The following DZIP1 variants were observed in gnomAD, a reference collection of about 807,000 sequenced individuals.
DZIP1 encodes the protein DAZ interacting zinc finger protein 1.
In DZIP1, 97 loss-of-function variants were observed where a neutral mutation model predicts 107.6. That is an observed-to-expected ratio of 0.90 (90% confidence interval 0.77 to 1.07). The LOEUF is 1.07. DZIP1 is among the 50% of genes least tolerant of loss of function. DZIP1 has a pLI of 0.00. For missense variants in DZIP1, 1,035 were observed against 1,063.6 expected, an observed-to-expected ratio of 0.97 and a Z score of 0.37; for synonymous variants, 390 against 386.4, an observed-to-expected ratio of 1.01 and a Z score of -0.11.
chr13:95,628,735 T>C lies in DZIP1; in HGVS notation c.810+1254A>G, dbSNP rs140216375. Among the ~76,000 whole-genome samples, 17 of 152,280 alleles carry C rather than the reference T, an allele frequency of 1.1e-4. No individual in the cohort carries two copies. The East Asian group carries it at 2.7e-3, about 24-fold the overall frequency. On this transcript the variant is annotated intron_variant, in intron 7 of 22. Transcript: ENST00000376829. Reference sequence around the variant, plus strand: ...GGAAATTCTGGCACACACTACAACATAGATAAACTTTGAGGACATTATGCT... The same window carrying C: ...GGAAATTCTGGCACACACTACAACACAGATAAACTTTGAGGACATTATGCT...
At chr13:95,590,573 GC>G in intron 16 of DZIP1, 132 bp from the exon 17 acceptor site, 1 of 837,986 alleles carries the variant, frequency 1.2e-6, no homozygotes, top group Non-Finnish European at 1.8e-6. Flanking sequence ...GGGTAAGGGT[GC>G]CCCAACAAGT....
In DZIP1 at chr13:95,619,895, T is replaced by A; in HGVS notation, c.1163A>T (p.Glu388Val). Residue 388 changes from glutamate to valine, a missense_variant, in exon 10 of 23, where the codon GAG (glutamate) becomes GTG (valine). By Grantham distance (121) the Glu-to-Val change is moderately radical (BLOSUM62 -2). Transcript: ENST00000376829. ...GTTTCTTAACCTTACCCGACCCTTC[T>A]CTTTCTTGTGTTCTTGATGAATAGC... is the stretch of plus-strand genomic sequence containing the variant. ...VQAIHQEHKK[E>V]KGRLLSHIEK... 6.2e-7 allele frequency: 1 copy of A among 1,613,912 alleles called. No homozygotes were observed. Among genetic ancestry groups the A allele is most frequent in the Non-Finnish European group, 8.5e-7 (1 of 1,179,956 alleles).
At chr13:95,597,072 CT>C (rs1258797153) in intron 15 of DZIP1, among the ~76,000 whole-genome samples, 2 of 152,130 alleles carry the variant, frequency 1.3e-5, no homozygotes, top group Non-Finnish European at 2.9e-5. Flanking sequence ...GTCCAGCCCC[CT>C]AAATGTGGCA....
intron 5 of DZIP1, among the ~76,000 whole-genome samples, chr13:95,633,678 C>CAAA (rs567298033): frequency 8.4e-5 from 6 of 71,174 alleles, no homozygotes; most frequent in African/African-American, 2.1e-4. Context: ...GACTCCATCT[C>CAAA]AAAAAAAAAA....
intron 6 of DZIP1, chr13:95,630,853 C>T (rs1877110841): frequency 2.8e-6 from 2 of 719,856 alleles, no homozygotes; most frequent in Middle Eastern, 2.8e-4. Flanking sequence ...GAAACCCTCT[C>T]TGAAACGAGT....
chr13:95,630,050 A>C lies in DZIP1; in HGVS notation c.749T>G (p.Leu250Arg). Reference protein sequence around the residue: ...RSEIVVLKEELQLTRSELEAA... With the variant: ...RSEIVVLKEERQLTRSELEAA... ...CTCTAGCTCAGACCTGGTGAGCTGC[A>C]GCTCTTCCTTCAATACGACGATCTC... The change falls in exon 7 of 23, where the codon CTG (leucine) becomes CGG (arginine). Residue 250 changes from leucine to arginine, a missense_variant. Transcript: ENST00000376829. 6.2e-7 allele frequency: 1 copy of C among 1,613,978 alleles called. No homozygotes were observed. Among genetic ancestry groups the C allele is most frequent in the Non-Finnish European group, 8.5e-7 (1 of 1,179,896 alleles).
intron 5 of DZIP1, 59 bp from the exon 6 acceptor site, chr13:95,633,380 G>A: frequency 6.8e-7 from 1 of 1,470,538 alleles, no homozygotes; most frequent in Non-Finnish European, 9.5e-7. Context: ...CCACTTAATT[G>A]CAATTAAAAT....
At chr13:95,620,601 G>C (rs1875705360) in intron 9 of DZIP1, among the ~76,000 whole-genome samples, 1 of 152,138 alleles carries the variant, frequency 6.6e-6, no homozygotes. Context: ...ACACAATACA[G>C]CTGTGTCATT....
chr13:95,632,805 A>T (rs989556208), intron 6 of DZIP1, among the ~76,000 whole-genome samples: 4 of 151,910 alleles, frequency 2.6e-5, no homozygotes, highest in Non-Finnish European at 4.4e-5. Context: ...TCATCCCAGC[A>T]CACCTCACGT....
intron 17 of DZIP1, 86 bp from the exon 18 acceptor site, chr13:95,590,018 G>T: frequency 6.8e-7 from 1 of 1,472,934 alleles, no homozygotes; most frequent in Non-Finnish European, 9.1e-7. Flanking sequence ...TACCCCCTAT[G>T]CTGCTGTGGC....
At chr13:95,594,238 T>A in intron 15 of DZIP1, 152 bp from the exon 16 acceptor site, 1 of 617,292 alleles carries the variant, frequency 1.6e-6, no homozygotes, top group African/African-American at 1.9e-5. Context: ...CTCAGCACAA[T>A]ACAGAATGCT....
At chr13:95,644,136 G>T (rs1342486857) in intron 1 of DZIP1, among the ~76,000 whole-genome samples, 1 of 152,206 alleles carries the variant, frequency 6.6e-6, no homozygotes, top group Non-Finnish European at 1.5e-5. Context: ...AGTCCCAGGC[G>T]CATGGCACCG....
chr13:95,620,425 A>G (rs1875684141), intron 9 of DZIP1, among the ~76,000 whole-genome samples: 2 of 152,206 alleles, frequency 1.3e-5, no homozygotes, highest in Non-Finnish European at 2.9e-5. Context: ...AGAACAGACT[A>G]ATACAGCTGG....
intron 15 of DZIP1, among the ~76,000 whole-genome samples, chr13:95,595,837 A>C (rs1430344386): frequency 6.6e-6 from 1 of 152,206 alleles, no homozygotes; most frequent in Admixed American, 6.5e-5. Flanking sequence ...ACTTGGGGCC[A>C]CATACAGGGG....
chr13:95,612,844 CAA>C (rs1249374691), intron 10 of DZIP1, among the ~76,000 whole-genome samples: 1 of 152,134 alleles, frequency 6.6e-6, no homozygotes, highest in Non-Finnish European at 1.5e-5. Flanking sequence ...CTTGGCCTCT[CAA>C]AGTGTTGGGA....
chr13:95,624,646 G>C, intron 8 of DZIP1, 122 bp downstream of exon 8: 1 of 879,042 alleles, frequency 1.1e-6, no homozygotes, highest in Non-Finnish European at 1.8e-6. Context: ...AGACTCTCAG[G>C]GAGAAGAATG....
intron 22 of DZIP1, 30 bp downstream of exon 22, chr13:95,584,706 G>A (rs759531720): frequency 3.3e-5 from 52 of 1,580,682 alleles, no homozygotes; most frequent in African/African-American, 5.5e-5. Flanking sequence ...AAAATGGATC[G>A]AGCTTGTATT....
chr13:95,611,978 G>C (rs1159634968), intron 11 of DZIP1, 59 bp downstream of exon 11: 2 of 1,572,020 alleles, frequency 1.3e-6, no homozygotes, highest in Non-Finnish European at 1.7e-6. Flanking sequence ...AAAAACACAT[G>C]TTCTTAGATA....
intron 16 of DZIP1, among the ~76,000 whole-genome samples, chr13:95,592,692 T>C (rs981811059): frequency 6.6e-6 from 1 of 152,116 alleles, no homozygotes; most frequent in African/African-American, 2.4e-5. Context: ...CAAGAATTAA[T>C]AGCCAAGAAG....
Sources: allele counts gnomAD v4.1 joint callset (sites outside exome capture counted in the v4.1 genomes callset), GRCh38; gene constraint gnomAD v4.1.1; transcripts MANE v1.5; gene names NCBI Gene and HGNC (gene_info 2026-07-23, HGNC 2026-07-21).